The following CACNA2D3 variants were observed in gnomAD, a reference collection of about 807,000 sequenced individuals.
The protein encoded by CACNA2D3 is voltage-dependent calcium channel subunit alpha-2/delta-3.
A neutral mutation model predicts 160.6 loss-of-function variants in CACNA2D3; 60 were observed. The observed-to-expected ratio is 0.37, with a 90% CI of 0.30 to 0.46. The LOEUF (loss-of-function observed/expected upper bound fraction) is 0.46. CACNA2D3 is among the 20% of genes least tolerant of loss of function. The pLI is 1.00. For synonymous variants in CACNA2D3, 558 were observed against 492.9 expected, an observed-to-expected ratio of 1.13 and a Z score of -1.75; for missense variants, 1,205 against 1,365.0, an observed-to-expected ratio of 0.88 and a Z score of 1.85.
chr3:54,753,141 A>G (rs542335036), intron 12 of CACNA2D3, among the ~76,000 whole-genome samples: 1 of 152,212 alleles, frequency 6.6e-6, no homozygotes, highest in Non-Finnish European at 1.5e-5. Context: ...CATTACAGGC[A>G]TGAGCCACTA....
chr3:54,472,310 C>T (rs1313988846), intron 4 of CACNA2D3, among the ~76,000 whole-genome samples: 1 of 152,068 alleles, frequency 6.6e-6, no homozygotes, highest in Non-Finnish European at 1.5e-5. Context: ...ATGATTATCT[C>T]ATAGATGCAG....
intron 4 of CACNA2D3, among the ~76,000 whole-genome samples, chr3:54,420,172 C>G (rs1370773861): frequency 6.6e-6 from 1 of 151,350 alleles, no homozygotes; most frequent in Non-Finnish European, 1.5e-5. Flanking sequence ...GCACCCTCCG[C>G]CTCCTGAGTT....
At chr3:54,771,450 C>T (rs778067237) in intron 13 of CACNA2D3, among the ~76,000 whole-genome samples, 13 of 152,196 alleles carry the variant, frequency 8.5e-5, no homozygotes, top group Non-Finnish European at 1.6e-4. Flanking sequence ...TCATCTGCAA[C>T]TCAGGGGCCT....
intron 27 of CACNA2D3, among the ~76,000 whole-genome samples, chr3:54,935,579 A>G (rs906328160): frequency 6.6e-6 from 1 of 152,182 alleles, no homozygotes; most frequent in South Asian, 2.1e-4. Context: ...CCCCAGGAAT[A>G]TAAATTGGAA....
At chr3:54,525,585 G>A (rs1194003742) in intron 5 of CACNA2D3, among the ~76,000 whole-genome samples, 1 of 152,098 alleles carries the variant, frequency 6.6e-6, no homozygotes, top group Non-Finnish European at 1.5e-5. Flanking sequence ...AAATAGCTAT[G>A]CTGGATATAG....
intron 31 of CACNA2D3, among the ~76,000 whole-genome samples, chr3:54,991,058 C>T (rs1036201313): frequency 4.6e-5 from 7 of 152,030 alleles, no homozygotes; most frequent in Non-Finnish European, 1.0e-4. Context: ...TGGCTGCGTT[C>T]GCTGAGCACC....
At position 54,681,761 on chromosome 3, in the gene CACNA2D3, C is replaced by G. The variant is rs1409952350; in HGVS notation, c.1167+39520C>G. The stretch of plus-strand genomic sequence containing the variant: ...TGATGCAATCTCGGCTCACTGCAAC[C>G]TCTGCCTCCTGGGGTCAAGTGATTC... On this transcript the variant is annotated intron_variant, in intron 11 of 37. Coordinates refer to ENST00000474759, the MANE Select transcript of CACNA2D3 (RefSeq NM_018398.3). 2.0e-5 allele frequency among the ~76,000 whole-genome samples: 3 copies of G among 152,080 alleles called. No individual in the cohort carries two copies. In the East Asian group the frequency reaches 5.8e-4, roughly 29 times the overall value.
At chr3:54,596,016 A>G (rs868443280) in intron 9 of CACNA2D3, among the ~76,000 whole-genome samples, 3 of 152,220 alleles carry the variant, frequency 2.0e-5, no homozygotes, top group Middle Eastern at 3.4e-3. Context: ...GCTATTAACT[A>G]TGAAGGGAAA....
chr3:54,400,554 A>T (rs1255106886), intron 4 of CACNA2D3, among the ~76,000 whole-genome samples: 5 of 151,782 alleles, frequency 3.3e-5, no homozygotes, highest in Admixed American at 2.0e-4. Context: ...GTCACCAAGG[A>T]CCCTGACAGC....
chr3:54,486,150 C>G lies in CACNA2D3; in HGVS notation c.382-17342C>G, dbSNP rs960224089. 2.0e-5 allele frequency among the ~76,000 whole-genome samples: 3 copies of G among 152,176 alleles called. 1 individual carries two copies. In the South Asian group the frequency reaches 6.2e-4, roughly 32 times the overall value. On this transcript the variant is annotated intron_variant, in intron 4 of 37. Transcript: ENST00000474759. ...CCAGACTGTAAAGAGGAGACTAGTG[C>G]AAACACCTGGAGAGAAGTAGAAAGG...
At chr3:54,706,240 G>A (rs1700856078) in intron 11 of CACNA2D3, among the ~76,000 whole-genome samples, 1 of 152,202 alleles carries the variant, frequency 6.6e-6, no homozygotes, top group Non-Finnish European at 1.5e-5. Flanking sequence ...GATGGAGTTT[G>A]GGGATGGCCA....
chr3:55,018,609 C>T (rs147284111), intron 35 of CACNA2D3, among the ~76,000 whole-genome samples: 40 of 152,042 alleles, frequency 2.6e-4, no homozygotes, highest in African/African-American at 8.2e-4. Flanking sequence ...TCTTAATTGA[C>T]GGTTGGCAAT....
At chr3:54,754,495 A>G (rs1024665205) in intron 12 of CACNA2D3, among the ~76,000 whole-genome samples, 2 of 152,090 alleles carry the variant, frequency 1.3e-5, no homozygotes, top group African/African-American at 4.8e-5. Flanking sequence ...CTCTTGTGTT[A>G]TGTTGATCTC....
At chr3:54,178,631 C>G (rs751683072) in intron 2 of CACNA2D3, among the ~76,000 whole-genome samples, 14 of 152,220 alleles carry the variant, frequency 9.2e-5, no homozygotes, top group Non-Finnish European at 1.3e-4. Context: ...TGGCTTTATG[C>G]TTTTACTTAA....
chr3:54,627,309 GCT>G (rs1699142760), intron 9 of CACNA2D3, among the ~76,000 whole-genome samples: 1 of 152,158 alleles, frequency 6.6e-6, no homozygotes, highest in South Asian at 2.1e-4. Context: ...AGAGGCTGGT[GCT>G]CTGAGAATAC....
chr3:54,639,153 G>C (rs1053093944), intron 10 of CACNA2D3: 2 of 151,962 alleles, frequency 1.3e-5, no homozygotes, highest in African/African-American at 4.9e-5. Flanking sequence ...AAGCGATTGG[G>C]GGGTTCTTGC....
chr3:54,239,359 A>G (rs1388483524), intron 2 of CACNA2D3, among the ~76,000 whole-genome samples: 2 of 152,272 alleles, frequency 1.3e-5, no homozygotes, highest in Non-Finnish European at 2.9e-5. Flanking sequence ...GAAGGGGTGT[A>G]GAGCAATGAG....
At chr3:54,829,912 T>TTTTTTTTTTTTG (rs1703834897) in intron 14 of CACNA2D3, among the ~76,000 whole-genome samples, 1 of 133,248 alleles carries the variant, frequency 7.5e-6, no homozygotes. Flanking sequence ...TTTTTTTTTT[T>TTTTTTTTTTTTG]GAGATGGAGT....
intron 4 of CACNA2D3, among the ~76,000 whole-genome samples, chr3:54,432,045 A>G (rs1298002459): frequency 6.6e-6 from 1 of 152,224 alleles, no homozygotes; most frequent in Admixed American, 6.5e-5. Context: ...CATCAAAACC[A>G]TAAGGGTCTA....
Sources: allele counts gnomAD v4.1 joint callset (sites outside exome capture counted in the v4.1 genomes callset), GRCh38; gene constraint gnomAD v4.1.1; transcripts MANE v1.5; gene names NCBI Gene and HGNC (gene_info 2026-07-23, HGNC 2026-07-21).